The following SGMS1 variants were observed in gnomAD, a reference collection of about 807,000 sequenced individuals.
SGMS1 encodes sphingomyelin synthase 1, also known as phosphatidylcholine:ceramide cholinephosphotransferase 1.
SGMS1 carries 13 observed loss-of-function variants against 46.2 expected under a neutral mutation model. The ratio of observed to expected loss-of-function variants is 0.28; its 90% confidence interval spans 0.18 to 0.45. The LOEUF (loss-of-function observed/expected upper bound fraction) is 0.45, where lower values mean the gene tolerates loss of function less well. Among genes scored for constraint, SGMS1 ranks in the 20% least tolerant of loss-of-function variants. SGMS1 has a pLI of 1.00. For missense variants in SGMS1, 324 were observed against 519.9 expected (o/e 0.62, Z 3.66); for synonymous variants, 203 against 187.8 (o/e 1.08, Z -0.66).
chr10:50,560,155 T>C (rs934268885), intron 2 of SGMS1, among the ~76,000 whole-genome samples: 3 of 146,316 alleles, frequency 2.1e-5, no homozygotes, highest in South Asian at 2.1e-4. Context: ...ATATATAAAA[T>C]AGACATATAT....
At chr10:50,613,929 G>A (rs559426444) in intron 1 of SGMS1, among the ~76,000 whole-genome samples, 1 of 152,278 alleles carries the variant, frequency 6.6e-6, no homozygotes, top group East Asian at 1.9e-4. Flanking sequence ...TGACCTCGTG[G>A]CAGCTGGAGG....
intron 5 of SGMS1, among the ~76,000 whole-genome samples, chr10:50,454,241 A>C (rs1837161487): frequency 6.6e-6 from 1 of 152,088 alleles, no homozygotes; most frequent in African/African-American, 2.4e-5. Context: ...CGAGCTAAAG[A>C]GTCTGGCCTT....
intron 1 of SGMS1, among the ~76,000 whole-genome samples, chr10:50,604,207 AC>A (rs1838673410): frequency 6.6e-6 from 1 of 152,104 alleles, no homozygotes; most frequent in Non-Finnish European, 1.5e-5. Flanking sequence ...AGAGCCCTCC[AC>A]CAGCTGGACC....
At chr10:50,592,191 T>G (rs1187142947) in intron 1 of SGMS1, among the ~76,000 whole-genome samples, 2 of 152,040 alleles carry the variant, frequency 1.3e-5, no homozygotes, top group African/African-American at 4.8e-5. Context: ...CAAACAAAGC[T>G]AAAGAAAAAT....
At chr10:50,508,033 A>C (rs1837722562) in intron 3 of SGMS1, among the ~76,000 whole-genome samples, 1 of 151,632 alleles carries the variant, frequency 6.6e-6, no homozygotes, top group African/African-American at 2.4e-5. Context: ...AGATGTACCC[A>C]CTCCCTACTA....
At chr10:50,516,561 A>C (rs1436190960) in intron 3 of SGMS1, among the ~76,000 whole-genome samples, 1 of 152,204 alleles carries the variant, frequency 6.6e-6, no homozygotes, top group African/African-American at 2.4e-5. Flanking sequence ...CAAGGGAGTA[A>C]ATATTCAATA....
chr10:50,572,960 T>C (rs957561519), intron 2 of SGMS1, among the ~76,000 whole-genome samples: 12 of 152,176 alleles, frequency 7.9e-5, no homozygotes, highest in Admixed American at 5.2e-4. Context: ...AAACATTCTA[T>C]GTACCTTGAA....
At chr10:50,400,375 G>C (rs1848914522) in intron 6 of SGMS1, among the ~76,000 whole-genome samples, 1 of 80,980 alleles carries the variant, frequency 1.2e-5, no homozygotes, top group South Asian at 4.0e-4. Flanking sequence ...ATAAACACAA[G>C]ACCTATAGAA....
intron 2 of SGMS1, among the ~76,000 whole-genome samples, chr10:50,557,428 A>C (rs3011796): frequency 0.015 from 2,299 of 152,318 alleles, 24 homozygotes; most frequent in Non-Finnish European, 0.025. Flanking sequence ...TAAATTGCTT[A>C]CACATAGGAA....
chr10:50,526,806 C>T (rs186722888), intron 2 of SGMS1, among the ~76,000 whole-genome samples: 12 of 152,142 alleles, frequency 7.9e-5, no homozygotes, highest in African/African-American at 2.9e-4. Flanking sequence ...GTGGCTCACG[C>T]CTGTAATCAT....
At chr10:50,564,484 C>G (rs1838271222) in intron 2 of SGMS1, among the ~76,000 whole-genome samples, 1 of 152,162 alleles carries the variant, frequency 6.6e-6, no homozygotes. Flanking sequence ...ACCATGGGGC[C>G]AGTAAGACCA....
At chr10:50,385,843 T>A (rs1323774466) in intron 6 of SGMS1, among the ~76,000 whole-genome samples, 2 of 152,176 alleles carry the variant, frequency 1.3e-5, no homozygotes, top group African/African-American at 4.8e-5. Context: ...CATTCATGCT[T>A]GATTTCTAGC....
chr10:50,386,256 G>A (rs1489370347), intron 6 of SGMS1, among the ~76,000 whole-genome samples: 1 of 152,050 alleles, frequency 6.6e-6, no homozygotes, highest in Non-Finnish European at 1.5e-5. Context: ...CAGCCTTTCT[G>A]GATTTAACCT....
chr10:50,601,869 C>T (rs761821705), intron 1 of SGMS1, among the ~76,000 whole-genome samples: 9 of 152,204 alleles, frequency 5.9e-5, no homozygotes, highest in Non-Finnish European at 1.2e-4. Context: ...CTCCTATCCA[C>T]CTTCTACATA....
At chr10:50,603,925 A>AT (rs1301180908) in intron 1 of SGMS1, among the ~76,000 whole-genome samples, 2 of 152,250 alleles carry the variant, frequency 1.3e-5, no homozygotes, top group Non-Finnish European at 2.9e-5. Flanking sequence ...AAAATGTAGA[A>AT]TAACATTAAA....
intron 3 of SGMS1, among the ~76,000 whole-genome samples, chr10:50,499,291 A>G (rs1837641703): frequency 6.6e-6 from 1 of 152,202 alleles, no homozygotes; most frequent in Admixed American, 6.5e-5. Flanking sequence ...AGCTATGAAT[A>G]TCCATTTCTT....
intron 6 of SGMS1, among the ~76,000 whole-genome samples, chr10:50,351,097 G>A (rs2133380028): frequency 6.6e-6 from 1 of 152,310 alleles, no homozygotes; most frequent in East Asian, 1.9e-4. Flanking sequence ...CACACCTTTT[G>A]CATCAGTGTG....
intron 2 of SGMS1, among the ~76,000 whole-genome samples, chr10:50,557,953 T>A (rs947828655): frequency 1.3e-5 from 2 of 152,212 alleles, no homozygotes; most frequent in Non-Finnish European, 2.9e-5. Flanking sequence ...CAAAGGTAAC[T>A]TACATAGACA....
intron 5 of SGMS1, among the ~76,000 whole-genome samples, chr10:50,453,916 G>A (rs1837155140): frequency 6.7e-6 from 1 of 149,348 alleles, no homozygotes; most frequent in Admixed American, 6.7e-5. Context: ...GGAAAAGTTG[G>A]GAGAGAAGGA....
Sources: allele counts gnomAD v4.1 joint callset (sites outside exome capture counted in the v4.1 genomes callset), GRCh38; gene constraint gnomAD v4.1.1; transcripts MANE v1.5; gene names NCBI Gene and HGNC (gene_info 2026-07-23, HGNC 2026-07-21).